RAD51B: variants seen among roughly 807,000 people sequenced by gnomAD.
RAD51B encodes the protein DNA repair protein RAD51 homolog 2.
RAD51B carries 38 observed loss-of-function variants against 42.2 expected under a neutral mutation model. The ratio of observed to expected loss-of-function variants is 0.90; its 90% confidence interval spans 0.70 to 1.18. RAD51B has a LOEUF of 1.18. Among genes scored for constraint, RAD51B ranks in the 50% most tolerant of loss-of-function variants. The pLI, the probability that RAD51B is intolerant of heterozygous loss-of-function variation, is 0.00. For missense variants in RAD51B, 373 were observed against 400.7 expected (o/e 0.93, Z 0.59); for synonymous variants, 154 against 145.2 (o/e 1.06, Z -0.43).
intron 10 of RAD51B, among the ~76,000 whole-genome samples, chr14:68,606,979 A>G (rs1482849586): frequency 3.3e-5 from 5 of 152,236 alleles, no homozygotes; most frequent in East Asian, 3.8e-4. Flanking sequence ...GGAGTGTCAC[A>G]TGTAAACTGT....
chr14:67,879,510 A>G (rs1293885444), intron 5 of RAD51B, among the ~76,000 whole-genome samples: 1 of 151,856 alleles, frequency 6.6e-6, no homozygotes, highest in African/African-American at 2.4e-5. Context: ...TGACATGATC[A>G]TAGTTCACTG....
intron 10 of RAD51B, among the ~76,000 whole-genome samples, chr14:68,536,117 A>G (rs1887602816): frequency 6.6e-6 from 1 of 152,198 alleles, no homozygotes. Flanking sequence ...AGGACACTCC[A>G]CTTGGATGGG....
At chr14:68,643,791 C>T (rs1892512014) in intron 10 of RAD51B, among the ~76,000 whole-genome samples, 1 of 152,156 alleles carries the variant, frequency 6.6e-6, no homozygotes, top group African/African-American at 2.4e-5. Flanking sequence ...CCTGGAAGGC[C>T]CTGACTCAAA....
At chr14:68,644,526 G>A (rs1319350840) in intron 10 of RAD51B, among the ~76,000 whole-genome samples, 1 of 152,224 alleles carries the variant, frequency 6.6e-6, no homozygotes, top group African/African-American at 2.4e-5. Flanking sequence ...CTGGGGCTCT[G>A]CCTAGAAACA....
intron 7 of RAD51B, among the ~76,000 whole-genome samples, chr14:67,939,826 T>C (rs887108679): frequency 8.6e-5 from 13 of 151,384 alleles, no homozygotes; most frequent in Middle Eastern, 3.4e-3. Flanking sequence ...TACCATTACA[T>C]TGGGGATTAG....
chr14:68,370,803 G>A (rs1461097351), intron 8 of RAD51B, among the ~76,000 whole-genome samples: 1 of 152,060 alleles, frequency 6.6e-6, no homozygotes, highest in Non-Finnish European at 1.5e-5. Flanking sequence ...CCAGCACTTT[G>A]GGAGGCTGAG....
At chr14:68,275,838 A>C (rs189513999) in intron 7 of RAD51B, among the ~76,000 whole-genome samples, 179 of 143,162 alleles carry the variant, frequency 1.3e-3, no homozygotes, top group African/African-American at 4.5e-3. Context: ...ACACACACAC[A>C]CACCCTTGAA....
intron 7 of RAD51B, among the ~76,000 whole-genome samples, chr14:68,047,811 C>T (rs1416450410): frequency 6.6e-6 from 1 of 152,148 alleles, no homozygotes; most frequent in Non-Finnish European, 1.5e-5. Flanking sequence ...ATGCAGACAG[C>T]AGAAAAGAAA....
intron 9 of RAD51B, among the ~76,000 whole-genome samples, chr14:68,462,680 C>T (rs917880553): frequency 2.6e-5 from 4 of 152,070 alleles, no homozygotes; most frequent in African/African-American, 9.7e-5. Flanking sequence ...CCCGACACCT[C>T]CAAAGAATTT....
chr14:68,181,197 A>G (rs1428410039), intron 7 of RAD51B, among the ~76,000 whole-genome samples: 1 of 152,250 alleles, frequency 6.6e-6, no homozygotes, highest in East Asian at 1.9e-4. Flanking sequence ...AGGTGTATTT[A>G]CAAAGATGAG....
intron 8 of RAD51B, among the ~76,000 whole-genome samples, chr14:68,306,904 A>T (rs1233410634): frequency 6.6e-6 from 1 of 152,146 alleles, no homozygotes; most frequent in Non-Finnish European, 1.5e-5. Flanking sequence ...GAGAAAGGAG[A>T]TGACTTCTGT....
chr14:68,556,422 G>A (rs534625210), intron 10 of RAD51B, among the ~76,000 whole-genome samples: 10 of 152,268 alleles, frequency 6.6e-5, no homozygotes, highest in East Asian at 3.9e-4. Flanking sequence ...CCTGCAGATC[G>A]CTCCCAGATG....
intron 9 of RAD51B, among the ~76,000 whole-genome samples, chr14:68,445,746 G>A (rs778214403): frequency 2.6e-5 from 4 of 152,150 alleles, no homozygotes; most frequent in Non-Finnish European, 5.9e-5. Context: ...TGAGTTTCAA[G>A]TAGTATCATC....
At chr14:68,288,422 A>G (rs972817874) in intron 7 of RAD51B, among the ~76,000 whole-genome samples, 1 of 152,234 alleles carries the variant, frequency 6.6e-6, no homozygotes, top group African/African-American at 2.4e-5. Context: ...TTAGCAAAAT[A>G]AGTTAGGAGC....
intron 8 of RAD51B, among the ~76,000 whole-genome samples, chr14:68,347,155 G>A (rs1002664475): frequency 2.6e-5 from 4 of 152,096 alleles, no homozygotes; most frequent in Non-Finnish European, 5.9e-5. Flanking sequence ...AGATCTTAGG[G>A]ACAAAGTCCA....
At chr14:68,166,970 G>C (rs1490445646) in intron 7 of RAD51B, among the ~76,000 whole-genome samples, 1 of 151,758 alleles carries the variant, frequency 6.6e-6, no homozygotes, top group Non-Finnish European at 1.5e-5. Context: ...ACCTTAATTC[G>C]GCTTTTGCTC....
chr14:68,224,881 C>T (rs183645957), intron 7 of RAD51B, among the ~76,000 whole-genome samples: 137 of 152,090 alleles, frequency 9.0e-4, no homozygotes, highest in Non-Finnish European at 1.5e-3. Flanking sequence ...TTAGTAGAGA[C>T]GGGGTTTCAC....
intron 7 of RAD51B, among the ~76,000 whole-genome samples, chr14:67,911,389 C>T (rs2043974335): frequency 6.6e-6 from 1 of 152,146 alleles, no homozygotes. Flanking sequence ...CACACAAAAG[C>T]TGGAGAAGTA....
At chr14:68,259,406 C>T (rs1001337306) in intron 7 of RAD51B, among the ~76,000 whole-genome samples, 2 of 151,918 alleles carry the variant, frequency 1.3e-5, no homozygotes, top group African/African-American at 4.8e-5. Flanking sequence ...ACATATGTAA[C>T]AAACCTGCAC....
Sources: allele counts gnomAD v4.1 joint callset (sites outside exome capture counted in the v4.1 genomes callset), GRCh38; gene constraint gnomAD v4.1.1; transcripts MANE v1.5; gene names NCBI Gene and HGNC (gene_info 2026-07-23, HGNC 2026-07-21).